Variants in PTPN3 observed in about 807,000 individuals in gnomAD.
PTPN3 encodes the protein protein tyrosine phosphatase non-receptor type 3.
PTPN3 carries 96 observed loss-of-function variants against 132.7 expected under a neutral mutation model. The ratio of observed to expected loss-of-function variants is 0.72; its 90% CI spans 0.61 to 0.86. The LOEUF (loss-of-function observed/expected upper bound fraction) is 0.86, where lower values mean the gene tolerates loss of function less well. PTPN3 is among the 40% of genes least tolerant of loss of function. The probability of loss-of-function intolerance (pLI) is 0.00; values close to 1 mark genes in which losing one functional copy is unlikely to be tolerated. For synonymous variants in PTPN3, 398 were observed against 429.0 expected, an observed-to-expected ratio of 0.93 and a Z score of 0.89; for missense variants, 1,125 against 1,159.6, an observed-to-expected ratio of 0.97 and a Z score of 0.43.
At chr9:109,504,214 A>G in the PTPN3 span, among the ~76,000 whole-genome samples, 1 of 152,278 alleles carries the variant, frequency 6.6e-6, no homozygotes, top group Admixed American at 6.5e-5. Flanking sequence ...GCCTCTCTAG[A>G]TTAAAGAAGC....
intron 1 of PTPN3, among the ~76,000 whole-genome samples, chr9:109,476,120 G>T (rs529639916): frequency 6.6e-6 from 1 of 152,230 alleles, no homozygotes; most frequent in South Asian, 2.1e-4. Flanking sequence ...TAATCCAGGG[G>T]GCCATCTCAG....
At chr9:109,495,039 C>T (rs774884928) in intron 1 of PTPN3, among the ~76,000 whole-genome samples, 3 of 152,110 alleles carry the variant, frequency 2.0e-5, no homozygotes, top group Non-Finnish European at 4.4e-5. Flanking sequence ...AGGTCCTTCT[C>T]GGCCAGAGGA....
chr9:109,463,384 G>A lies in PTPN3; in HGVS notation c.51C>T (p.Thr17=), dbSNP rs1401124400. The part of the protein sequence containing the change: ...ALGGRINNIR[T]SELPKEKTRS... ...GAGTTTTCTCTTTGGGTAACTCCGA[G>A]GTGCGTATATTATTAATTCTTCCAC... The change falls in exon 2 of 26, where the codon ACC becomes ACT. Residue 17 remains threonine (T), a synonymous_variant. Coordinates refer to ENST00000374541, the MANE Select transcript of PTPN3 (RefSeq NM_002829.4). The A allele has an allele frequency of 6.2e-7, 1 of 1,613,188 alleles. No individual in the cohort carries two copies. The highest frequency in any genetic ancestry group is 8.5e-7 in the Non-Finnish European group (1 of 1,179,834).
the PTPN3 span, among the ~76,000 whole-genome samples, chr9:109,506,887 G>T: frequency 2.0e-5 from 3 of 152,202 alleles, no homozygotes; most frequent in Admixed American, 1.3e-4. Flanking sequence ...ATAGGCATGA[G>T]CCACAGTGCC....
At chr9:109,415,884 T>C (rs969465894) in intron 14 of PTPN3, among the ~76,000 whole-genome samples, 1 of 152,078 alleles carries the variant, frequency 6.6e-6, no homozygotes, top group African/African-American at 2.4e-5. Flanking sequence ...TTGGATCATA[T>C]TGGGTTTCAG....
chr9:109,486,769 A>G (rs1326318193), intron 1 of PTPN3, among the ~76,000 whole-genome samples: 2 of 152,124 alleles, frequency 1.3e-5, no homozygotes, highest in Non-Finnish European at 2.9e-5. Context: ...ATGTCATGGG[A>G]GGGAACAGGT....
At chr9:109,462,396 G>T (rs1845887078) in intron 2 of PTPN3, among the ~76,000 whole-genome samples, 1 of 152,228 alleles carries the variant, frequency 6.6e-6, no homozygotes, top group Non-Finnish European at 1.5e-5. Flanking sequence ...AAGACCCAGG[G>T]ATCAGTTTTT....
At chr9:109,400,495 C>T (rs1840999707) in intron 19 of PTPN3, among the ~76,000 whole-genome samples, 2 of 152,148 alleles carry the variant, frequency 1.3e-5, no homozygotes, top group South Asian at 2.1e-4. Context: ...TGTCTGGCTC[C>T]GTGTAGGGAG....
chr9:109,532,441 G>T, the PTPN3 span, among the ~76,000 whole-genome samples: 1 of 152,014 alleles, frequency 6.6e-6, no homozygotes, highest in African/African-American at 2.4e-5. Flanking sequence ...ATTAACAGGT[G>T]CTTGCAGTTT....
At chr9:109,532,762 G>A in the PTPN3 span, 1 of 435,088 alleles carries the variant, frequency 2.3e-6, no homozygotes, top group Non-Finnish European at 3.5e-6. Context: ...ATTTCTTATT[G>A]CTGGAATTTC....
At chr9:109,465,038 T>A (rs1313109511) in intron 1 of PTPN3, among the ~76,000 whole-genome samples, 1 of 152,264 alleles carries the variant, frequency 6.6e-6, no homozygotes, top group South Asian at 2.1e-4. Flanking sequence ...TCTACATTTA[T>A]GATTTGTGTA....
the PTPN3 span, among the ~76,000 whole-genome samples, chr9:109,530,295 A>T: frequency 6.6e-6 from 1 of 152,140 alleles, no homozygotes; most frequent in Admixed American, 6.6e-5. Context: ...GTCTCCCTGA[A>T]CTTGACCACT....
chr9:109,391,523 A>G lies in PTPN3; in HGVS notation c.1992T>C (p.Phe664=). The G allele has an allele frequency of 6.2e-7, 1 of 1,614,124 alleles. No homozygotes were observed. The part of the protein sequence containing the change: ...YRKKPGLAIT[F]AKLPQNLDKN... ...TGTCCAAATTTTGAGGCAGCTTTGC[A>G]AACGTGATGGCCAAACCTGGCTTTT... The change falls in exon 20 of 26, where the codon TTT becomes TTC. Residue 664 remains phenylalanine, a synonymous_variant. Coordinates refer to ENST00000374541, the MANE Select transcript of PTPN3 (RefSeq NM_002829.4).
At chr9:109,513,422 C>T in the PTPN3 span, among the ~76,000 whole-genome samples, 5 of 152,196 alleles carry the variant, frequency 3.3e-5, no homozygotes, top group South Asian at 2.1e-4. Flanking sequence ...TGACTAGCCC[C>T]TGTTACGAGC....
chr9:109,410,554 T>C, intron 14 of PTPN3, 139 bp from the exon 15 acceptor site: 1 of 955,558 alleles, frequency 1.0e-6, no homozygotes, highest in Non-Finnish European at 1.6e-6. Context: ...CAGCGGGATT[T>C]GAGTACACCC....
the PTPN3 span, among the ~76,000 whole-genome samples, chr9:109,505,910 C>G: frequency 3.9e-5 from 6 of 151,940 alleles, no homozygotes; most frequent in African/African-American, 1.2e-4. Context: ...CCGCTATGCC[C>G]GGCTAATTTT....
At chr9:109,536,972 C>T in the PTPN3 span, among the ~76,000 whole-genome samples, 3 of 152,012 alleles carry the variant, frequency 2.0e-5, no homozygotes, top group African/African-American at 7.2e-5. Flanking sequence ...AATGAAAGCC[C>T]AGTGTGGTTG....
At chr9:109,427,537 T>C (rs1843366452) in intron 11 of PTPN3, among the ~76,000 whole-genome samples, 2 of 152,266 alleles carry the variant, frequency 1.3e-5, no homozygotes, top group African/African-American at 4.8e-5. Context: ...TTTGGGTTTT[T>C]CTCTATTTGC....
At chr9:109,409,059 G>T (rs565431490) in intron 16 of PTPN3, among the ~76,000 whole-genome samples, 12 of 151,884 alleles carry the variant, frequency 7.9e-5, no homozygotes, top group African/African-American at 2.9e-4. Flanking sequence ...ATGAGTAAAC[G>T]TTTTCTGTAA....
Sources: allele counts gnomAD v4.1 joint callset (sites outside exome capture counted in the v4.1 genomes callset), GRCh38; gene constraint gnomAD v4.1.1; transcripts MANE v1.5; gene names NCBI Gene and HGNC (gene_info 2026-07-23, HGNC 2026-07-21).